Variants in ATP13A4 observed in about 807,000 individuals in gnomAD.
The protein encoded by ATP13A4 is probable cation-transporting ATPase 13A4.
In ATP13A4, 114 loss-of-function variants were observed where a neutral mutation model predicts 142.5. The ratio of observed to expected loss-of-function variants is 0.80; its 90% confidence interval spans 0.69 to 0.93. The LOEUF (loss-of-function observed/expected upper bound fraction) is 0.93, where lower values mean the gene tolerates loss of function less well. Among genes scored for constraint, ATP13A4 ranks in the 40% least tolerant of loss-of-function variants. ATP13A4 has a pLI of 0.00. For missense variants in ATP13A4, 1,392 were observed against 1,454.0 expected (o/e 0.96, Z 0.69); for synonymous variants, 488 against 514.8 (o/e 0.95, Z 0.70).
At chr3:193,407,468 T>C in intron 28 of ATP13A4, 75 bp from the exon 29 acceptor site, 2 of 1,150,704 alleles carry the variant, frequency 1.7e-6, no homozygotes, top group South Asian at 1.3e-5. Flanking sequence ...GTTCACAGCA[T>C]ATATTTTCCT....
chr3:193,519,626 A>ATTTTTT (rs147173408), intron 1 of ATP13A4, among the ~76,000 whole-genome samples: 20 of 69,038 alleles, frequency 2.9e-4, no homozygotes, highest in Non-Finnish European at 3.8e-4. Context: ...GCAATTTGTA[A>ATTTTTT]TTTTTTTTTT....
chr3:193,503,435 G>C (rs1423427923), intron 2 of ATP13A4, among the ~76,000 whole-genome samples: 1 of 152,178 alleles, frequency 6.6e-6, no homozygotes, highest in Non-Finnish European at 1.5e-5. Flanking sequence ...TTTGACAGTG[G>C]TTATTGTCTG....
At chr3:193,586,094 CA>C (rs1724662483) in intron 1 of ATP13A4, among the ~76,000 whole-genome samples, 1 of 15,274 alleles carries the variant, frequency 6.5e-5, no homozygotes, top group Non-Finnish European at 1.3e-4. Flanking sequence ...CACACATACA[CA>C]CACACACACA....
At chr3:193,416,285 G>A (rs1409546479) in intron 25 of ATP13A4, among the ~76,000 whole-genome samples, 1 of 152,154 alleles carries the variant, frequency 6.6e-6, no homozygotes. Context: ...CTAATTTTCA[G>A]AGTTAGAGCA....
At chr3:193,519,039 T>C (rs1186545335) in intron 1 of ATP13A4, among the ~76,000 whole-genome samples, 2 of 152,132 alleles carry the variant, frequency 1.3e-5, no homozygotes, top group African/African-American at 4.8e-5. Context: ...GCAGAGGACA[T>C]TCTCCTACCT....
At chr3:193,527,169 A>G (rs1722051627) in intron 1 of ATP13A4, among the ~76,000 whole-genome samples, 2 of 152,124 alleles carry the variant, frequency 1.3e-5, no homozygotes, top group South Asian at 4.1e-4. Context: ...TTCCCCTGTG[A>G]TGTGGTTTGG....
At chr3:193,560,871 A>T (rs1201810999) in intron 2 of ATP13A4, among the ~76,000 whole-genome samples, 1 of 152,208 alleles carries the variant, frequency 6.6e-6, no homozygotes, top group African/African-American at 2.4e-5. Flanking sequence ...GAAAGGCCAT[A>T]AGACAGAAGC....
At chr3:193,469,295 T>C (rs1036735896) in intron 9 of ATP13A4, among the ~76,000 whole-genome samples, 3 of 152,130 alleles carry the variant, frequency 2.0e-5, no homozygotes, top group South Asian at 2.1e-4. Flanking sequence ...CTGGTCAGAA[T>C]AGTCAAATGG....
At chr3:193,476,440 T>G (rs1392635025) in intron 8 of ATP13A4, among the ~76,000 whole-genome samples, 1 of 152,110 alleles carries the variant, frequency 6.6e-6, no homozygotes, top group East Asian at 1.9e-4. Context: ...TGGTTTGAGC[T>G]TCTATTCAGA....
intron 2 of ATP13A4, among the ~76,000 whole-genome samples, chr3:193,570,743 T>C (rs971191449): frequency 1.3e-5 from 2 of 152,178 alleles, no homozygotes; most frequent in Admixed American, 1.3e-4. Flanking sequence ...AGACCAGAGC[T>C]TGCATCCTGT....
intron 10 of ATP13A4, 41 bp downstream of exon 10, chr3:193,467,275 A>G (rs749835663): frequency 2.4e-5 from 39 of 1,609,536 alleles, no homozygotes; most frequent in Non-Finnish European, 3.0e-5. Flanking sequence ...AACTGGGCAA[A>G]AGTATACCAT....
At chr3:193,487,241 A>G (rs1248534321) in intron 7 of ATP13A4, among the ~76,000 whole-genome samples, 1 of 151,998 alleles carries the variant, frequency 6.6e-6, no homozygotes, top group East Asian at 1.9e-4. Flanking sequence ...GTACTGGGGA[A>G]AAAAAAATAT....
At chr3:193,456,970 G>T (rs1717651648) in intron 16 of ATP13A4, 30 bp downstream of exon 16, 2 of 1,595,752 alleles carry the variant, frequency 1.3e-6, no homozygotes, top group South Asian at 1.1e-5. Context: ...ATACAGATTT[G>T]CCAGGTGTAA....
chr3:193,562,075 G>C (rs1021115620), intron 2 of ATP13A4, among the ~76,000 whole-genome samples: 1 of 152,134 alleles, frequency 6.6e-6, no homozygotes, highest in African/African-American at 2.4e-5. Context: ...ATTGACCCCA[G>C]AGTACATGGC....
chr3:193,421,395 T>C lies in ATP13A4; in HGVS notation c.2843-6645A>G, dbSNP rs185541450. ...GAGAGAATTCATCACCACTAGATTTTCCTTACAAGAAATGCTTGAGAGTTT... is the reference window on the plus strand; with the variant it reads ...GAGAGAATTCATCACCACTAGATTTCCCTTACAAGAAATGCTTGAGAGTTT... On this transcript the variant is annotated intron_variant, in intron 25 of 29. Transcript: ENST00000342695. 1.0e-3 allele frequency among the ~76,000 whole-genome samples: 156 copies of C among 149,778 alleles called. 9 individuals carry two copies. Among genetic ancestry groups the C allele is most frequent in the African/African-American group, 3.6e-3 (147 of 40,900 alleles).
intron 19 of ATP13A4, 119 bp downstream of exon 19, chr3:193,442,274 T>C (rs1716689578): frequency 9.0e-7 from 1 of 1,108,548 alleles, no homozygotes; most frequent in Admixed American, 2.0e-5. Context: ...ACTGAGTTCG[T>C]TCAAAAGCAT....
Position 193,502,352 on chromosome 3 carries a change from C to CT in ATP13A4, c.381+140dup. The stretch of plus-strand genomic sequence containing the variant: ...TAGAAGGAGCAAGCTGAGATTTGGA[C>CT]TGTCTGGCTCCAAAGTTCACATTTT... On this transcript the variant is annotated intron_variant, in intron 3 of 29. Coordinates refer to ENST00000342695, the MANE Select transcript of ATP13A4 (RefSeq NM_032279.4). The CT allele has an allele frequency of 3.0e-6, 3 of 1,013,750 alleles. No homozygotes were observed. In the South Asian group the frequency reaches 4.2e-5, roughly 14 times the overall value. 62.8% of individuals were successfully genotyped at this position (1,013,750 alleles called of 1,614,324 possible).
Position 193,573,274 on chromosome 3 carries a change from TAC to T in ATP13A4, n.291+8431_291+8432del, listed in dbSNP as rs1480003357. 3.2e-3 allele frequency among the ~76,000 whole-genome samples: 268 copies of T among 82,944 alleles called. 1 individual carries two copies. Among genetic ancestry groups the T allele is most frequent in the East Asian group, 9.3e-3 (33 of 3,560 alleles). The allele number at this position is 82,944 out of a possible 152,430, so 54.4% of individuals were successfully genotyped here. On this transcript the variant is annotated intron_variant and non_coding_transcript_variant, in intron 2 of 3. Transcript: ENST00000489140. The stretch of plus-strand genomic sequence containing the variant: ...AATACCACAGCCATATATATATATA[TAC>T]ATATATATATATACACATATATATA...
At chr3:193,472,723 T>C (rs575908084) in intron 8 of ATP13A4, among the ~76,000 whole-genome samples, 21 of 152,302 alleles carry the variant, frequency 1.4e-4, no homozygotes, top group Admixed American at 1.2e-3. Context: ...GTGTTCCAAA[T>C]GACGGTGATC....
Sources: gnomAD v4.1 joint callset for allele counts (sites outside exome capture counted in the v4.1 genomes callset) on GRCh38, gnomAD v4.1.1 for gene constraint, MANE v1.5 for transcripts, NCBI Gene and HGNC (gene_info 2026-07-23, HGNC 2026-07-21) for gene names.